The following CADM2 variants were observed in gnomAD, a reference collection of about 807,000 sequenced individuals.
CADM2 encodes immunoglobulin superfamily member 4D.
A neutral mutation model predicts 49.8 loss-of-function variants in CADM2; 12 were observed. That is an observed-to-expected ratio of 0.24 (90% confidence interval 0.15 to 0.39). The LOEUF is 0.39. CADM2 is among the 10% of genes least tolerant of loss of function. CADM2 has a pLI of 1.00. For missense variants in CADM2, 378 were observed against 492.3 expected (o/e 0.77, Z 2.20); for synonymous variants, 214 against 175.4 (o/e 1.22, Z -1.74).
chr3:85,759,469 T>A (rs1479805739), intron 2 of CADM2, among the ~76,000 whole-genome samples: 1 of 152,136 alleles, frequency 6.6e-6, no homozygotes, highest in Non-Finnish European at 1.5e-5. Flanking sequence ...AGATCACTCC[T>A]ACCTGGGCGT....
chr3:85,534,219 C>G (rs1442914725), intron 1 of CADM2, among the ~76,000 whole-genome samples: 2 of 152,026 alleles, frequency 1.3e-5, no homozygotes, highest in East Asian at 1.9e-4. Flanking sequence ...TAATGTTTCC[C>G]TTAACTCTTG....
At chr3:85,094,485 G>C (rs1166172623) in intron 1 of CADM2, among the ~76,000 whole-genome samples, 3 of 152,096 alleles carry the variant, frequency 2.0e-5, no homozygotes, top group African/African-American at 4.8e-5. Context: ...AGGTGGTAAA[G>C]AGCAAAGTTG....
intron 1 of CADM2, among the ~76,000 whole-genome samples, chr3:85,534,796 C>T (rs1371096100): frequency 6.6e-6 from 1 of 152,080 alleles, no homozygotes; most frequent in African/African-American, 2.4e-5. Flanking sequence ...TTCAAGGTCT[C>T]TATCTTCTAT....
chr3:85,785,374 T>A (rs937645262), intron 2 of CADM2, among the ~76,000 whole-genome samples: 2 of 152,124 alleles, frequency 1.3e-5, no homozygotes, highest in African/African-American at 2.4e-5. Context: ...TAAGTACAAT[T>A]TTAAGCATGA....
intron 8 of CADM2, among the ~76,000 whole-genome samples, chr3:86,035,755 A>T (rs1735078969): frequency 6.6e-6 from 1 of 152,058 alleles, no homozygotes; most frequent in Non-Finnish European, 1.5e-5. Context: ...CAACCCAGCA[A>T]TCTTCCTAAC....
intron 1 of CADM2, among the ~76,000 whole-genome samples, chr3:84,990,275 C>T (rs898268869): frequency 2.0e-5 from 3 of 151,530 alleles, no homozygotes; most frequent in Admixed American, 6.6e-5. Context: ...AGTAATTCAA[C>T]AAAACATTAA....
chr3:85,938,942 C>T (rs1314087163), intron 7 of CADM2, among the ~76,000 whole-genome samples: 2 of 151,866 alleles, frequency 1.3e-5, no homozygotes, highest in East Asian at 3.9e-4. Context: ...TTCATTGTTT[C>T]TTAAAAAGTA....
intron 1 of CADM2, among the ~76,000 whole-genome samples, chr3:85,624,567 G>A (rs1295393396): frequency 1.3e-5 from 2 of 151,888 alleles, no homozygotes; most frequent in Non-Finnish European, 2.9e-5. Flanking sequence ...TCCTGACCTC[G>A]TCATCCACCC....
intron 3 of CADM2, among the ~76,000 whole-genome samples, chr3:85,854,456 A>G (rs1312207345): frequency 6.6e-6 from 1 of 152,184 alleles, no homozygotes; most frequent in African/African-American, 2.4e-5. Context: ...GCCATAAAAA[A>G]GGATGAATTC....
chr3:85,724,384 G>A (rs1233921773), intron 1 of CADM2, among the ~76,000 whole-genome samples: 2 of 151,660 alleles, frequency 1.3e-5, no homozygotes, highest in African/African-American at 4.8e-5. Context: ...AAGACAACCT[G>A]GAAATTTATG....
intron 1 of CADM2, among the ~76,000 whole-genome samples, chr3:85,344,640 T>C (rs942732217): frequency 2.0e-5 from 3 of 151,570 alleles, no homozygotes; most frequent in African/African-American, 7.3e-5. Context: ...ACATCTTCTC[T>C]ATTTTTTTTT....
chr3:85,769,607 CA>C (rs1421091614), intron 2 of CADM2, among the ~76,000 whole-genome samples: 4 of 96,730 alleles, frequency 4.1e-5, no homozygotes, highest in African/African-American at 1.4e-4. Context: ...CACATATATA[CA>C]TATATACATA....
At chr3:85,756,985 G>A (rs1340872649) in intron 2 of CADM2, among the ~76,000 whole-genome samples, 2 of 152,108 alleles carry the variant, frequency 1.3e-5, no homozygotes, top group African/African-American at 4.8e-5. Context: ...ACAGTGAAGT[G>A]ATTCATTGAT....
chr3:85,552,380 T>TTG, intron 1 of CADM2, among the ~76,000 whole-genome samples: 1 of 142,322 alleles, frequency 7.0e-6, no homozygotes, highest in African/African-American at 2.7e-5. Flanking sequence ...TTTTTTTTTT[T>TTG]TTTTTTTTTT....
At chr3:85,397,778 G>C (rs2034868063) in intron 1 of CADM2, among the ~76,000 whole-genome samples, 2 of 152,082 alleles carry the variant, frequency 1.3e-5, no homozygotes, top group African/African-American at 4.8e-5. Flanking sequence ...TTCTATTGGG[G>C]ATGATGGAAT....
intron 1 of CADM2, among the ~76,000 whole-genome samples, chr3:85,152,106 T>C (rs116196163): frequency 3.6e-3 from 552 of 152,296 alleles, no homozygotes; most frequent in African/African-American, 0.013. Flanking sequence ...TCTCTTCTCC[T>C]AAAGAGAGAC....
At chr3:85,092,365 TA>T (rs2107525994) in intron 1 of CADM2, among the ~76,000 whole-genome samples, 1 of 152,288 alleles carries the variant, frequency 6.6e-6, no homozygotes, top group South Asian at 2.1e-4. Flanking sequence ...ACATAAAATT[TA>T]AGTCATAATC....
intron 1 of CADM2, among the ~76,000 whole-genome samples, chr3:85,592,742 A>G (rs1172703258): frequency 6.6e-6 from 1 of 151,898 alleles, no homozygotes; most frequent in African/African-American, 2.4e-5. Flanking sequence ...TCTGGGGTAC[A>G]TGTGCAGAAC....
intron 1 of CADM2, among the ~76,000 whole-genome samples, chr3:85,618,060 C>T (rs995373534): frequency 2.0e-5 from 3 of 151,946 alleles, no homozygotes; most frequent in African/African-American, 7.3e-5. Flanking sequence ...TCATTCTTTT[C>T]TTTAGGAGGA....
Sources: allele counts gnomAD v4.1 joint callset (sites outside exome capture counted in the v4.1 genomes callset), GRCh38; gene constraint gnomAD v4.1.1; transcripts MANE v1.5; gene names NCBI Gene and HGNC (gene_info 2026-07-23, HGNC 2026-07-21).